PRKCA: variants seen among roughly 807,000 people sequenced by gnomAD.
PRKCA encodes the protein protein kinase C alpha type.
In PRKCA, 27 loss-of-function variants were observed where a neutral mutation model predicts 87.0. That is an observed-to-expected ratio of 0.31 (90% CI 0.23 to 0.43). The LOEUF (loss-of-function observed/expected upper bound fraction) is 0.43, where lower values mean the gene tolerates loss of function less well. PRKCA is among the 20% of genes least tolerant of loss of function. PRKCA has a pLI of 1.00. For missense variants in PRKCA, 518 were observed against 852.3 expected, an observed-to-expected ratio of 0.61 and a Z score of 4.88; for synonymous variants, 329 against 311.1, an observed-to-expected ratio of 1.06 and a Z score of -0.61.
chr17:66,306,750 T>G (rs1308492294), intron 2 of PRKCA, among the ~76,000 whole-genome samples: 1 of 152,156 alleles, frequency 6.6e-6, no homozygotes, highest in Non-Finnish European at 1.5e-5. Flanking sequence ...GATCTGTAAT[T>G]GCATTTCACA....
At chr17:66,413,445 G>A (rs1296008175) in intron 2 of PRKCA, among the ~76,000 whole-genome samples, 2 of 152,008 alleles carry the variant, frequency 1.3e-5, no homozygotes, top group Non-Finnish European at 2.9e-5. Flanking sequence ...ATTGACCATT[G>A]GTGATCAATT....
intron 13 of PRKCA, among the ~76,000 whole-genome samples, chr17:66,762,523 T>C (rs1419365912): frequency 2.0e-5 from 3 of 152,182 alleles, no homozygotes; most frequent in African/African-American, 7.2e-5. Flanking sequence ...TTCCCGCTTG[T>C]ATTCTGAGCT....
intron 2 of PRKCA, among the ~76,000 whole-genome samples, chr17:66,488,473 C>A (rs1185466592): frequency 6.6e-6 from 1 of 152,122 alleles, no homozygotes; most frequent in Non-Finnish European, 1.5e-5. Context: ...AGTGCTAACA[C>A]CATTTACTCA....
At chr17:66,623,661 C>A (rs1347930080) in intron 3 of PRKCA, among the ~76,000 whole-genome samples, 1 of 152,096 alleles carries the variant, frequency 6.6e-6, no homozygotes, top group East Asian at 1.9e-4. Context: ...GTAGAATTTA[C>A]ATTTTAAAGA....
intron 2 of PRKCA, among the ~76,000 whole-genome samples, chr17:66,324,633 A>G (rs1905870213): frequency 6.6e-6 from 1 of 152,124 alleles, no homozygotes; most frequent in African/African-American, 2.4e-5. Context: ...GTCAACATTT[A>G]TAAGTTAATA....
intron 3 of PRKCA, among the ~76,000 whole-genome samples, chr17:66,544,071 C>T (rs975243024): frequency 1.3e-5 from 2 of 152,086 alleles, no homozygotes; most frequent in African/African-American, 4.8e-5. Flanking sequence ...AAAAATTAGC[C>T]ACGTGTGGTG....
intron 13 of PRKCA, 91 bp from the exon 14 acceptor site, chr17:66,773,896 G>A: frequency 1.3e-6 from 2 of 1,580,020 alleles, no homozygotes; most frequent in Non-Finnish European, 1.7e-6. Context: ...CATGAACTGA[G>A]TGTATAAATG....
intron 2 of PRKCA, among the ~76,000 whole-genome samples, chr17:66,401,983 T>C (rs1202869250): frequency 1.3e-5 from 2 of 152,186 alleles, no homozygotes; most frequent in Non-Finnish European, 2.9e-5. Flanking sequence ...ATGTATGCAG[T>C]AGTTAAAACT....
chr17:66,654,284 G>A (rs12600582), intron 5 of PRKCA, among the ~76,000 whole-genome samples: 2 of 152,084 alleles, frequency 1.3e-5, no homozygotes, highest in African/African-American at 4.8e-5. Context: ...GAAGCTCCGG[G>A]TGTTTCTTGA....
At chr17:66,735,448 T>C (rs546128332) in intron 9 of PRKCA, 41 bp from the exon 10 acceptor site, 3 of 1,612,980 alleles carry the variant, frequency 1.9e-6, no homozygotes, top group Non-Finnish European at 2.5e-6. Flanking sequence ...CCCCAAGATA[T>C]GTGCTTACAA....
At chr17:66,561,235 A>G (rs937212238) in intron 3 of PRKCA, among the ~76,000 whole-genome samples, 4 of 152,246 alleles carry the variant, frequency 2.6e-5, no homozygotes, top group Non-Finnish European at 5.9e-5. Flanking sequence ...AAAATTAATG[A>G]AAGATCTTGT....
chr17:66,760,924 C>T (rs2144295157), intron 13 of PRKCA, among the ~76,000 whole-genome samples: 2 of 152,274 alleles, frequency 1.3e-5, no homozygotes, highest in African/African-American at 4.8e-5. Context: ...GGTACTTAGG[C>T]TGTTCTGCTG....
chr17:66,797,536 G>C (rs1251983602), intron 16 of PRKCA, among the ~76,000 whole-genome samples: 1 of 152,154 alleles, frequency 6.6e-6, no homozygotes, highest in African/African-American at 2.4e-5. Context: ...TGTCTGTCCT[G>C]CCTCCTCGCT....
intron 2 of PRKCA, among the ~76,000 whole-genome samples, chr17:66,417,316 C>A (rs1912213597): frequency 6.6e-6 from 1 of 151,990 alleles, no homozygotes; most frequent in Non-Finnish European, 1.5e-5. Context: ...GATACAGGTG[C>A]CCTAATACCA....
intron 5 of PRKCA, among the ~76,000 whole-genome samples, chr17:66,668,946 T>A (rs1972106094): frequency 6.6e-6 from 1 of 151,840 alleles, no homozygotes; most frequent in Non-Finnish European, 1.5e-5. Context: ...TACAAAAAAA[T>A]TTAAAAATTA....
At chr17:66,777,252 G>A (rs1280851734) in intron 14 of PRKCA, 1 of 985,316 alleles carries the variant, frequency 1.0e-6, no homozygotes, top group African/African-American at 1.7e-5. Context: ...TCTAGGATGG[G>A]AGGCTGTGGA....
chr17:66,725,916 T>G (rs1036636357), intron 8 of PRKCA, among the ~76,000 whole-genome samples: 1 of 151,526 alleles, frequency 6.6e-6, no homozygotes, highest in Non-Finnish European at 1.5e-5. Flanking sequence ...CCAGGAGACA[T>G]GGGTGGGGAG....
chr17:66,688,888 A>G, intron 7 of PRKCA, 63 bp from the exon 8 acceptor site: 2 of 1,038,790 alleles, frequency 1.9e-6, no homozygotes, highest in Admixed American at 3.9e-5. Context: ...CCGCTCGACT[A>G]GAGGCTGCAG....
chr17:66,750,655 C>A (rs1974408432), intron 13 of PRKCA, among the ~76,000 whole-genome samples: 3 of 152,188 alleles, frequency 2.0e-5, no homozygotes, highest in Admixed American at 6.5e-5. Context: ...TCCCCACTTC[C>A]AATCCTCCCT....
Sources: gnomAD v4.1 joint callset for allele counts (sites outside exome capture counted in the v4.1 genomes callset) on GRCh38, gnomAD v4.1.1 for gene constraint, MANE v1.5 for transcripts, NCBI Gene and HGNC (gene_info 2026-07-23, HGNC 2026-07-21) for gene names.